The following METTL15 variants were observed in gnomAD, a reference collection of about 807,000 sequenced individuals.
The protein encoded by METTL15 is 12S rRNA N(4)-cytidine methyltransferase METTL15.
In METTL15, 34 loss-of-function variants were observed where a neutral mutation model predicts 38.3. The observed-to-expected ratio is 0.89, with a 90% CI of 0.68 to 1.18. METTL15 has a LOEUF of 1.18. Ranked by LOEUF, METTL15 falls within the 50% of genes most tolerant of loss-of-function variation. The pLI, the probability that METTL15 is intolerant of heterozygous loss-of-function variation, is 0.00. For missense variants in METTL15, 438 were observed against 498.4 expected, an observed-to-expected ratio of 0.88 and a Z score of 1.15; for synonymous variants, 162 against 170.9, an observed-to-expected ratio of 0.95 and a Z score of 0.41.
intron 3 of METTL15, among the ~76,000 whole-genome samples, chr11:28,339,017 A>G (rs1046657250): frequency 2.0e-5 from 3 of 152,146 alleles, no homozygotes; most frequent in Non-Finnish European, 4.4e-5. Context: ...GGAACTTTTG[A>G]TAGTCTTTTG....
intron 3 of METTL15, among the ~76,000 whole-genome samples, chr11:28,175,352 G>A (rs2133771624): frequency 6.6e-6 from 1 of 152,128 alleles, no homozygotes; most frequent in South Asian, 2.1e-4. Flanking sequence ...TATCATTGTT[G>A]GACATTTGGG....
At chr11:28,208,648 C>G (rs1004393697) in intron 3 of METTL15, among the ~76,000 whole-genome samples, 17 of 152,126 alleles carry the variant, frequency 1.1e-4, no homozygotes, top group African/African-American at 4.1e-4. Context: ...GAGCTGAGTT[C>G]AATTCCTGAG....
At chr11:28,427,715 C>G (rs991306662) in intron 6 of METTL15, among the ~76,000 whole-genome samples, 3 of 152,152 alleles carry the variant, frequency 2.0e-5, no homozygotes, top group African/African-American at 4.8e-5. Flanking sequence ...GGAGTTCATT[C>G]ATGATTTGGC....
At chr11:28,329,143 G>A (rs1292266150) in intron 6 of METTL15, among the ~76,000 whole-genome samples, 1 of 152,082 alleles carries the variant, frequency 6.6e-6, no homozygotes, top group Non-Finnish European at 1.5e-5. Context: ...TGTATATGAT[G>A]TAAGAGTCTA....
intron 6 of METTL15, among the ~76,000 whole-genome samples, chr11:28,487,145 C>A (rs2133478406): frequency 6.6e-6 from 1 of 152,228 alleles, no homozygotes; most frequent in Non-Finnish European, 1.5e-5. Flanking sequence ...AATTTGGCAT[C>A]ATGTTTCAAA....
At chr11:28,296,184 T>C (rs1856726998) in intron 5 of METTL15, among the ~76,000 whole-genome samples, 1 of 152,168 alleles carries the variant, frequency 6.6e-6, no homozygotes, top group East Asian at 1.9e-4. Context: ...TTGTTAAACA[T>C]TTGAATAATA....
intron 6 of METTL15, among the ~76,000 whole-genome samples, chr11:28,447,507 C>A (rs1234353882): frequency 6.6e-6 from 1 of 152,036 alleles, no homozygotes; most frequent in Non-Finnish European, 1.5e-5. Flanking sequence ...AAAACATGAA[C>A]CTTGATCTCC....
intron 6 of METTL15, among the ~76,000 whole-genome samples, chr11:28,507,088 A>T (rs1851634513): frequency 1.3e-5 from 2 of 152,120 alleles, no homozygotes; most frequent in Non-Finnish European, 2.9e-5. Context: ...GTTACCAATC[A>T]GTCAGCACAC....
intron 6 of METTL15, among the ~76,000 whole-genome samples, chr11:28,430,790 C>T (rs1255344086): frequency 3.9e-5 from 4 of 102,310 alleles, no homozygotes; most frequent in South Asian, 7.6e-4. Context: ...TCTGCCCGGC[C>T]GCCCCTACTG....
At chr11:28,112,923 G>C (rs1386579941) in intron 2 of METTL15, among the ~76,000 whole-genome samples, 2 of 152,230 alleles carry the variant, frequency 1.3e-5, no homozygotes, top group East Asian at 3.9e-4. Context: ...AATCCGTTCA[G>C]TCATCCTGAT....
rs551069428 is a variant in METTL15, at chr11:28,485,639, A to G, written c.*425-40839A>G. ...AGAGAGTAGAGAGTAGAAAAGATAA[A>G]ACGTTATTGAGAACTTAATATGTGA... On this transcript the variant is annotated intron_variant and NMD_transcript_variant, in intron 6 of 7. Coordinates refer to the METTL15 transcript ENST00000532947. Among the ~76,000 whole-genome samples the G allele has an allele frequency of 6.6e-5, 10 of 152,216 alleles. 1 individual carries two copies. In the South Asian group the frequency reaches 2.1e-3, roughly 32 times the overall value.
intron 4 of METTL15, among the ~76,000 whole-genome samples, chr11:28,211,399 T>C (rs1220665177): frequency 1.3e-5 from 2 of 152,056 alleles, no homozygotes; most frequent in Admixed American, 1.3e-4. Context: ...TTATCCTTTC[T>C]GAATCCATAA....
intron 3 of METTL15, among the ~76,000 whole-genome samples, chr11:28,208,274 G>C (rs1451130416): frequency 6.6e-6 from 1 of 152,090 alleles, no homozygotes; most frequent in Non-Finnish European, 1.5e-5. Flanking sequence ...TCTATACTCT[G>C]CTTTGAATGT....
intron 5 of METTL15, among the ~76,000 whole-genome samples, chr11:28,370,207 A>G (rs1053363925): frequency 6.6e-5 from 10 of 151,876 alleles, no homozygotes; most frequent in Non-Finnish European, 8.8e-5. Flanking sequence ...ACCACACTTC[A>G]TCCCCCCATC....
At chr11:28,243,488 G>T (rs1198862954) in intron 4 of METTL15, among the ~76,000 whole-genome samples, 1 of 152,164 alleles carries the variant, frequency 6.6e-6, no homozygotes, top group African/African-American at 2.4e-5. Flanking sequence ...AATAAAAATA[G>T]TATGTATCAT....
intron 5 of METTL15, among the ~76,000 whole-genome samples, chr11:28,390,654 A>G (rs1205471029): frequency 3.3e-5 from 5 of 152,222 alleles, no homozygotes; most frequent in Admixed American, 6.5e-5. Context: ...GTTTGAAGTC[A>G]GGTAGCATGA....
intron 3 of METTL15, among the ~76,000 whole-genome samples, chr11:28,122,371 G>GTGTATATA (rs1437112554): frequency 6.4e-5 from 5 of 77,652 alleles, no homozygotes; most frequent in Non-Finnish European, 1.2e-4. Flanking sequence ...GTGTGTGTGT[G>GTGTATATA]TATATATATA....
intron 6 of METTL15, among the ~76,000 whole-genome samples, chr11:28,319,062 G>A (rs1168358631): frequency 6.6e-6 from 1 of 152,164 alleles, no homozygotes; most frequent in African/African-American, 2.4e-5. Flanking sequence ...CACCAGATGT[G>A]CTGTCTTTAG....
chr11:28,514,598 T>C (rs949755062), intron 6 of METTL15, among the ~76,000 whole-genome samples: 1 of 152,216 alleles, frequency 6.6e-6, no homozygotes, highest in African/African-American at 2.4e-5. Context: ...CCCCCGCACT[T>C]ACAATCCTTT....
Sources: allele counts gnomAD v4.1 joint callset (sites outside exome capture counted in the v4.1 genomes callset), GRCh38; gene constraint gnomAD v4.1.1; transcripts MANE v1.5; gene names NCBI Gene and HGNC (gene_info 2026-07-23, HGNC 2026-07-21).